LRRTM4: variants seen among roughly 807,000 people sequenced by gnomAD.
The protein encoded by LRRTM4 is leucine-rich repeat transmembrane neuronal protein 4.
In LRRTM4, 25 loss-of-function variants were observed where a neutral mutation model predicts 47.6. That is an observed-to-expected ratio of 0.53 (90% confidence interval 0.38 to 0.73). The LOEUF (loss-of-function observed/expected upper bound fraction) is 0.73, where lower values mean the gene tolerates loss of function less well. LRRTM4 is among the 30% of genes least tolerant of loss of function. The probability of loss-of-function intolerance (pLI) is 0.00; values close to 1 mark genes in which losing one functional copy is unlikely to be tolerated. For synonymous variants in LRRTM4, 311 were observed against 269.5 expected, an observed-to-expected ratio of 1.15 and a Z score of -1.51; for missense variants, 638 against 713.4, an observed-to-expected ratio of 0.89 and a Z score of 1.20.
At chr2:76,947,929 A>G (rs1390215860) in intron 3 of LRRTM4, among the ~76,000 whole-genome samples, 1 of 151,904 alleles carries the variant, frequency 6.6e-6, no homozygotes, top group Non-Finnish European at 1.5e-5. Context: ...GAAGCTGCCC[A>G]AATATCCTGA....
chr2:76,866,594 A>G (rs1042531335), intron 3 of LRRTM4, among the ~76,000 whole-genome samples: 1 of 151,950 alleles, frequency 6.6e-6, no homozygotes, highest in African/African-American at 2.4e-5. Flanking sequence ...TCTTTGATTG[A>G]TGTGTGATGT....
chr2:76,842,215 C>T (rs1013712785), intron 3 of LRRTM4, among the ~76,000 whole-genome samples: 5 of 152,150 alleles, frequency 3.3e-5, no homozygotes, highest in Non-Finnish European at 7.3e-5. Flanking sequence ...CAATCTTCTG[C>T]AGGCCTCGGT....
Position 77,152,624 on chromosome 2 carries a change from G to A in LRRTM4, c.1551+365694C>T, listed in dbSNP as rs574554052. Among the ~76,000 whole-genome samples the A allele has an allele frequency of 3.2e-4, 49 of 152,108 alleles. No homozygotes were observed. The South Asian group carries it at 4.0e-3, about 12-fold the overall frequency. On this transcript the variant is annotated intron_variant, in intron 3 of 3. Coordinates refer to ENST00000409884, the MANE Select transcript of LRRTM4 (RefSeq NM_001134745.3). ...ATTACAGGTGTGAGCTACCACGCCC[G>A]GCCACTTTTTTGTATCTTAGTTTCT...
At chr2:76,858,356 G>T (rs1313922850) in intron 3 of LRRTM4, among the ~76,000 whole-genome samples, 1 of 152,098 alleles carries the variant, frequency 6.6e-6, no homozygotes, top group Non-Finnish European at 1.5e-5. Flanking sequence ...GACTTTTTCC[G>T]ACCTGAAGTC....
chr2:77,332,866 T>C (rs1018737204), intron 3 of LRRTM4, among the ~76,000 whole-genome samples: 3 of 152,152 alleles, frequency 2.0e-5, no homozygotes, highest in Non-Finnish European at 4.4e-5. Flanking sequence ...ACAGTACTGA[T>C]ATAGATTGAC....
chr2:77,207,160 A>C (rs1674149481), intron 3 of LRRTM4, among the ~76,000 whole-genome samples: 1 of 146,212 alleles, frequency 6.8e-6, no homozygotes, highest in African/African-American at 2.5e-5. Flanking sequence ...ATATATATAT[A>C]TATAGAAAAT....
At chr2:76,869,264 A>T (rs1672555658) in intron 3 of LRRTM4, among the ~76,000 whole-genome samples, 1 of 151,644 alleles carries the variant, frequency 6.6e-6, no homozygotes, top group African/African-American at 2.4e-5. Context: ...AGCCGAGATC[A>T]CACCACTGCA....
At chr2:77,002,000 T>C (rs1677447491) in intron 3 of LRRTM4, among the ~76,000 whole-genome samples, 1 of 152,172 alleles carries the variant, frequency 6.6e-6, no homozygotes, top group African/African-American at 2.4e-5. Context: ...CAATAAAAGC[T>C]TATGTTAATA....
chr2:76,947,719 T>C (rs10205089), intron 3 of LRRTM4, among the ~76,000 whole-genome samples: 49,193 of 151,674 alleles, frequency 0.32, 11,308 homozygotes, highest in African/African-American at 0.66. Context: ...CTACTTTAGA[T>C]AGCAGCTGTT....
intron 3 of LRRTM4, among the ~76,000 whole-genome samples, chr2:77,357,673 C>T (rs1672018929): frequency 6.6e-6 from 1 of 152,116 alleles, no homozygotes; most frequent in South Asian, 2.1e-4. Flanking sequence ...GGAAACTTAA[C>T]TAAAACTTTT....
At chr2:76,752,780 TCAAAA>T (rs1176344668) in intron 3 of LRRTM4, among the ~76,000 whole-genome samples, 12 of 152,158 alleles carry the variant, frequency 7.9e-5, no homozygotes, top group African/African-American at 7.2e-5. Context: ...TTTCCAGTAG[TCAAAA>T]CAAAGTATTC....
At chr2:77,207,052 C>T (rs1161805697) in intron 3 of LRRTM4, among the ~76,000 whole-genome samples, 1 of 150,906 alleles carries the variant, frequency 6.6e-6, no homozygotes, top group Non-Finnish European at 1.5e-5. Context: ...CTCTTCAGAG[C>T]CTGAAACATT....
intron 3 of LRRTM4, among the ~76,000 whole-genome samples, chr2:77,094,769 A>G (rs1670762084): frequency 6.6e-6 from 1 of 152,204 alleles, no homozygotes; most frequent in Non-Finnish European, 1.5e-5. Flanking sequence ...CACATCATAT[A>G]CAAAAATCAA....
rs538916875 is a variant in LRRTM4, at chr2:77,286,980, T to C, written c.1551+231338A>G. ...CTTCTTCTAGTCTGGGAGAGTACAA[T>C]TGCTTTTTTCTTGCTCAATACTAAC... On this transcript the variant is annotated intron_variant, in intron 3 of 3. Coordinates refer to ENST00000409884, the MANE Select transcript of LRRTM4 (RefSeq NM_001134745.3). Among the ~76,000 whole-genome samples the C allele has an allele frequency of 2.0e-5, 3 of 152,220 alleles. No homozygotes were observed. The South Asian group carries it at 6.2e-4, about 32-fold the overall frequency.
chr2:77,493,386 A>G (rs996524652), intron 3 of LRRTM4, among the ~76,000 whole-genome samples: 9 of 152,094 alleles, frequency 5.9e-5, no homozygotes, highest in South Asian at 2.1e-4. Flanking sequence ...TGATATATAT[A>G]TTCAAACTTC....
intron 3 of LRRTM4, among the ~76,000 whole-genome samples, chr2:76,939,551 ACAG>A (rs1185480308): frequency 3.3e-5 from 5 of 151,944 alleles, no homozygotes; most frequent in Non-Finnish European, 7.4e-5. Flanking sequence ...GGAAGATAAA[ACAG>A]ATTTTTAGTT....
chr2:77,478,259 G>A (rs1478139058), intron 3 of LRRTM4, among the ~76,000 whole-genome samples: 3 of 151,984 alleles, frequency 2.0e-5, no homozygotes, highest in Non-Finnish European at 4.4e-5. Context: ...TCATCTTTTT[G>A]TTGTTATTAC....
chr2:77,027,596 G>C (rs190936034), intron 3 of LRRTM4, among the ~76,000 whole-genome samples: 1 of 152,112 alleles, frequency 6.6e-6, no homozygotes, highest in East Asian at 1.9e-4. Flanking sequence ...AATCCTACCA[G>C]TGTACTATCA....
At chr2:77,453,988 C>A (rs1013948834) in intron 3 of LRRTM4, among the ~76,000 whole-genome samples, 1 of 152,092 alleles carries the variant, frequency 6.6e-6, no homozygotes, top group Non-Finnish European at 1.5e-5. Flanking sequence ...GATGTCAATT[C>A]GAAGTTTCTT....
Sources: allele counts gnomAD v4.1 joint callset (sites outside exome capture counted in the v4.1 genomes callset), GRCh38; gene constraint gnomAD v4.1.1; transcripts MANE v1.5; gene names NCBI Gene and HGNC (gene_info 2026-07-23, HGNC 2026-07-21).